The following TRUB2 variants were observed in gnomAD, a reference collection of about 807,000 sequenced individuals.
TRUB2 encodes the protein TruB pseudouridine synthase family member 2.
A neutral mutation model predicts 31.9 loss-of-function variants in TRUB2; 31 were observed. The ratio of observed to expected loss-of-function variants is 0.97; its 90% CI spans 0.73 to 1.31. The LOEUF (loss-of-function observed/expected upper bound fraction) is 1.31. Ranked by LOEUF, TRUB2 falls within the 50% of genes most tolerant of loss-of-function variation. The pLI, the probability that TRUB2 is intolerant of heterozygous loss-of-function variation, is 0.00. For synonymous variants in TRUB2, 201 were observed against 182.6 expected (o/e 1.10, Z -0.81); for missense variants, 451 against 439.6 (o/e 1.03, Z -0.23).
rs938795145 is a variant in TRUB2, at chr9:128,315,794, A to G, written c.317-166T>C. The G allele has an allele frequency of 2.5e-5, 17 of 692,512 alleles. No homozygotes were observed. The African/African-American group carries it at 3.0e-4, about 12-fold the overall frequency. 42.9% of individuals were successfully genotyped at this position (692,512 alleles called of 1,614,324 possible). On this transcript the variant is annotated intron_variant, in intron 3 of 7. Transcript: ENST00000372890. ...GGGGCAGGTGCACCCCTCTGGGTAT[A>G]TATCACATGCAGATTGCTGGGCCTT...
Position 128,322,391 on chromosome 9 carries a change from C to A in TRUB2, c.18G>T (p.Leu6Phe). ...CCGCGAAAAGCCCATGCAGCCGCGA[C>A]AAGCCAGCAGACCCCATACTTGAAG... MGSAGLSRLHGLFAVY... is the reference protein window; with the variant it reads MGSAGFSRLHGLFAVY... Residue 6 changes from leucine (L) to phenylalanine (F), a missense_variant, in exon 1 of 8, where the codon TTG becomes TTT. By Grantham distance (22) the Leu-to-Phe change is conservative. Coordinates refer to ENST00000372890, the MANE Select transcript of TRUB2 (RefSeq NM_015679.3). The A allele has an allele frequency of 1.2e-6, 2 of 1,614,156 alleles. No homozygotes were observed. The highest frequency in any genetic ancestry group is 8.5e-7 in the Non-Finnish European group (1 of 1,180,040).
At position 128,310,972 on chromosome 9, in the gene TRUB2, T is replaced by C. The variant is rs765966336; in HGVS notation, c.585A>G (p.Arg195=). The change falls in exon 7 of 8, where the codon AGA becomes AGG. Residue 195 remains arginine (R), a synonymous_variant. Transcript: ENST00000372890. ...KTQEAYEMAV[R]GLIRPMNKSP... is the part of the protein sequence containing the mutation. ...ACTTGTTCATGGGCCGGATCAGGCC[T>C]CTCACGGCCATCTCATAGGCCTCCT... The C allele has an allele frequency of 5.0e-6, 8 of 1,614,110 alleles. No homozygotes were observed. The Admixed American group carries it at 1.3e-4, about 27-fold the overall frequency.
intron 2 of TRUB2, 89 bp from the exon 3 acceptor site, chr9:128,317,315 G>A: frequency 1.6e-6 from 2 of 1,256,328 alleles, no homozygotes; most frequent in Non-Finnish European, 2.3e-6. Flanking sequence ...TCTCAGAATG[G>A]GCCTCATGGA....
intron 1 of TRUB2, 57 bp from the exon 2 acceptor site, chr9:128,321,787 A>G: frequency 2.0e-6 from 3 of 1,522,780 alleles, no homozygotes; most frequent in Non-Finnish European, 2.7e-6. Flanking sequence ...TACATATAAA[A>G]TATTTTTTAA....
rs150658502 is a variant in TRUB2 at position 128,309,854 on chromosome 9, G to A, written c.692C>T (p.Thr231Met). 57 of 1,613,874 alleles carry A rather than the reference G, an allele frequency of 3.5e-5. No homozygotes were observed. Among genetic ancestry groups the A allele is most frequent in the South Asian group, 2.7e-4 (25 of 91,068 alleles). Reference protein sequence around the residue: ...FLLEVQCMHETQKELRKLVHE... With the variant: ...FLLEVQCMHEMQKELRKLVHE... Reference sequence around the variant, plus strand: ...AACCAACTTCCGCAGCTCTTTCTGCGTCTCATGCATGCACTGCACCTCTGC... The same window carrying A: ...AACCAACTTCCGCAGCTCTTTCTGCATCTCATGCATGCACTGCACCTCTGC... Residue 231 changes from threonine to methionine, a missense_variant, in exon 8 of 8, where the codon ACG becomes ATG. By Grantham distance (81) the Thr-to-Met change is moderately conservative. Transcript: ENST00000372890.
intron 2 of TRUB2, among the ~76,000 whole-genome samples, chr9:128,318,493 C>G (rs1832105346): frequency 1.3e-5 from 2 of 151,984 alleles, no homozygotes; most frequent in Non-Finnish European, 2.9e-5. Context: ...AACCTGAAGA[C>G]TGAAGACTGT....
intron 5 of TRUB2, among the ~76,000 whole-genome samples, chr9:128,312,867 C>T (rs1224146783): frequency 6.6e-6 from 1 of 151,914 alleles, no homozygotes; most frequent in Non-Finnish European, 1.5e-5. Context: ...CCATCTCGAC[C>T]TCCCAAAGTG....
chr9:128,311,829 CTA>C, intron 5 of TRUB2, among the ~76,000 whole-genome samples: 1 of 145,926 alleles, frequency 6.9e-6, no homozygotes, highest in South Asian at 2.1e-4. Context: ...CAAGGGCACT[CTA>C]TTTTTTTTTT....
At chr9:128,318,521 G>A (rs1832106833) in intron 2 of TRUB2, among the ~76,000 whole-genome samples, 1 of 151,612 alleles carries the variant, frequency 6.6e-6, no homozygotes, top group Non-Finnish European at 1.5e-5. Context: ...TTGTGTGTGT[G>A]TGTTTGCTTG....
chr9:128,311,765 G>A (rs953971272), intron 5 of TRUB2, among the ~76,000 whole-genome samples, 164 bp from the exon 6 acceptor site: 1 of 129,406 alleles, frequency 7.7e-6, no homozygotes, highest in Non-Finnish European at 1.5e-5. Flanking sequence ...TCTCATGAAA[G>A]CACTGGACCT....
intron 4 of TRUB2, among the ~76,000 whole-genome samples, chr9:128,315,211 C>T (rs184998678): frequency 8.4e-4 from 128 of 152,254 alleles, no homozygotes; most frequent in African/African-American, 2.9e-3. Context: ...AGGTTCAAAT[C>T]CCAGCTCTTA....
At position 128,307,897 on chromosome 9, in the gene TRUB2, G is replaced by A. The variant is rs1831893942; in HGVS notation, c.*1653C>T. Reference sequence around the variant, plus strand: ...AGCCTGGGTGACAGAGCAAGACCCTGTCTAAAAAACAAAAACAGGCCGGGT... The same window carrying A: ...AGCCTGGGTGACAGAGCAAGACCCTATCTAAAAAACAAAAACAGGCCGGGT... On this transcript the variant is annotated 3_prime_UTR_variant, in exon 8 of 8. Transcript: ENST00000372890. The A allele has an allele frequency of 6.6e-6, 1 of 151,670 alleles. No homozygotes were observed. 9.4% of individuals were successfully genotyped at this position (151,670 alleles called of 1,614,324 possible). A position where few individuals can be genotyped will look rare whatever the true frequency, so the allele number is the denominator to read the frequency against.
Position 128,314,177 on chromosome 9 carries a change from TC to T in TRUB2, c.379-289del. ...GATTCAGCAGGACATGGTACCTGGC[TC>T]CCAGTCAGCAGGCTTCCTACAAGAC... On this transcript the variant is annotated intron_variant, in intron 4 of 7. Transcript: ENST00000372890. Among the ~76,000 whole-genome samples the T allele has an allele frequency of 1.3e-5, 2 of 152,164 alleles. 1 individual carries two copies. The highest frequency in any genetic ancestry group is 2.9e-5 in the Non-Finnish European group (2 of 68,030).
At position 128,311,376 on chromosome 9, in the gene TRUB2, C is replaced by T; in HGVS notation, c.533+153G>A. On this transcript the variant is annotated intron_variant, in intron 6 of 7. Coordinates refer to ENST00000372890, the MANE Select transcript of TRUB2 (RefSeq NM_015679.3). ...CCAACCCAAGACCTGGCACACAGAA[C>T]CATTTCTTAATGCCAAGAAAGAAAC... 3 of 812,194 alleles carry T rather than the reference C, an allele frequency of 3.7e-6. No individual in the cohort carries two copies. In the East Asian group the frequency reaches 8.0e-5, roughly 22 times the overall value. The allele number at this position is 812,194 out of a possible 1,614,324, so 50.3% of individuals were successfully genotyped here. A position where few individuals can be genotyped will look rare whatever the true frequency, so the allele number is the denominator to read the frequency against.
At chr9:128,314,554 C>A (rs1832035694) in intron 4 of TRUB2, among the ~76,000 whole-genome samples, 1 of 151,888 alleles carries the variant, frequency 6.6e-6, no homozygotes, top group Admixed American at 6.6e-5. Flanking sequence ...GGTGGATCGT[C>A]GAGTAGCTGG....
intron 6 of TRUB2, 193 bp downstream of exon 6, chr9:128,311,336 T>C: frequency 1.5e-6 from 1 of 652,490 alleles, no homozygotes; most frequent in Non-Finnish European, 2.6e-6. Flanking sequence ...CTTGCTCTTC[T>C]TGGCCTCCCG....
chr9:128,317,384 G>A (rs1832088337), intron 2 of TRUB2, among the ~76,000 whole-genome samples, 158 bp from the exon 3 acceptor site: 1 of 152,196 alleles, frequency 6.6e-6, no homozygotes, highest in Admixed American at 6.5e-5. Context: ...CTGGGACCCT[G>A]AACTGTATCC....
chr9:128,312,374 G>T (rs2131444868), intron 5 of TRUB2, among the ~76,000 whole-genome samples: 1 of 151,550 alleles, frequency 6.6e-6, no homozygotes, highest in Non-Finnish European at 1.5e-5. Context: ...CTGACATCAG[G>T]CAATCCACCT....
rs1279629683 is a variant in TRUB2, at chr9:128,322,181, GA to G, written c.109+118del. On this transcript the variant is annotated intron_variant, in intron 1 of 7. Coordinates refer to ENST00000372890, the MANE Select transcript of TRUB2 (RefSeq NM_015679.3). ...GAAAGCACAGAGAACAGGCGTTTGGGAAAGCGCTCTGCCCAGGTGAATAGGT... is the reference window on the plus strand; with the variant it reads ...GAAAGCACAGAGAACAGGCGTTTGGGAAGCGCTCTGCCCAGGTGAATAGGT... The G allele has an allele frequency of 2.1e-5, 16 of 778,234 alleles. No individual in the cohort carries two copies. In the East Asian group the frequency reaches 2.4e-4, roughly 12 times the overall value. 48.2% of individuals were successfully genotyped at this position (778,234 alleles called of 1,614,324 possible).
Sources: gnomAD v4.1 joint callset for allele counts (sites outside exome capture counted in the v4.1 genomes callset) on GRCh38, gnomAD v4.1.1 for gene constraint, MANE v1.5 for transcripts, NCBI Gene and HGNC (gene_info 2026-07-23, HGNC 2026-07-21) for gene names.